The following CFAP77 variants were observed in gnomAD, a reference collection of about 807,000 sequenced individuals.
CFAP77 encodes the protein cilia and flagella associated protein 77, also known as cilia- and flagella-associated protein 77.
A neutral mutation model predicts 31.1 loss-of-function variants in CFAP77; 25 were observed. The ratio of observed to expected loss-of-function variants is 0.80; its 90% CI spans 0.59 to 1.12. The LOEUF is 1.12. Among genes scored for constraint, CFAP77 ranks in the 50% most tolerant of loss-of-function variants. The pLI is 0.00. For synonymous variants in CFAP77, 151 were observed against 159.9 expected, an observed-to-expected ratio of 0.94 and a Z score of 0.42; for missense variants, 377 against 397.3, an observed-to-expected ratio of 0.95 and a Z score of 0.44.
intron 1 of CFAP77, among the ~76,000 whole-genome samples, chr9:132,465,545 C>T (rs1368302161): frequency 1.3e-5 from 2 of 152,020 alleles, no homozygotes; most frequent in Admixed American, 6.6e-5. Context: ...CACTTGTAGC[C>T]GTTGGTATGT....
intron 5 of CFAP77, among the ~76,000 whole-genome samples, chr9:132,562,367 G>T (rs1829826948): frequency 6.6e-6 from 1 of 152,240 alleles, no homozygotes; most frequent in South Asian, 2.1e-4. Flanking sequence ...CCCAGAGGCA[G>T]AGCCTGGCGT....
chr9:132,469,127 G>A, intron 1 of CFAP77, among the ~76,000 whole-genome samples: 1 of 151,762 alleles, frequency 6.6e-6, no homozygotes, highest in East Asian at 1.9e-4. Flanking sequence ...TGGGGGTGGG[G>A]GGACCCAGCA....
chr9:132,435,905 G>A (rs1042666458), intron 1 of CFAP77, among the ~76,000 whole-genome samples: 1 of 152,172 alleles, frequency 6.6e-6, no homozygotes, highest in African/African-American at 2.4e-5. Flanking sequence ...CCTTTATGTA[G>A]ATTCTGCTAA....
rs1282649187 is a variant in CFAP77, at chr9:132,424,153, A to G, written c.195+13687A>G. Among the ~76,000 whole-genome samples the G allele has an allele frequency of 1.3e-5, 2 of 152,222 alleles. No individual in the cohort carries two copies. Among genetic ancestry groups the G allele is most frequent in the African/African-American group, 4.8e-5 (2 of 41,466 alleles). ...CCGGGTGTGGTGGCTCACGCCTGTA[A>G]TCGCAGCACTTTGGGAGGCAGAGGC... is the stretch of plus-strand genomic sequence containing the variant. On this transcript the variant is annotated intron_variant, in intron 1 of 5. Coordinates refer to ENST00000393216, the MANE Select transcript of CFAP77 (RefSeq NM_001282957.2). This position sits in a 1 kb window ranked among gnomAD's most constrained non-coding sequence, Gnocchi z 4.1.
At chr9:132,510,347 C>T (rs914294889) in intron 3 of CFAP77, among the ~76,000 whole-genome samples, 8 of 152,210 alleles carry the variant, frequency 5.3e-5, no homozygotes, top group East Asian at 3.8e-4. Flanking sequence ...AGTCCAGAGT[C>T]GGGAGTCCGG....
chr9:132,458,357 G>GGGGGGGGTGGGGT lies in CFAP77; in HGVS notation c.196-40337_196-40336insGGGGGGTGGGGTG, dbSNP rs139008147. 1.6e-3 allele frequency among the ~76,000 whole-genome samples: 190 copies of GGGGGGGGTGGGGT among 118,930 alleles called. 1 individual carries two copies. Among genetic ancestry groups the GGGGGGGGTGGGGT allele is most frequent in the Non-Finnish European group, 2.2e-3 (125 of 57,800 alleles). The allele number at this position is 118,930 out of a possible 152,430, so 78.0% of individuals were successfully genotyped here. A position where few individuals can be genotyped will look rare whatever the true frequency, so the allele number is the denominator to read the frequency against. ...GTCTCCCTGGCGGGGGAGGGGGGGGGGTGTGTATGGAAGGCTCAGCTCATC... is the reference window on the plus strand; with the variant it reads ...GTCTCCCTGGCGGGGGAGGGGGGGGGGGGGGGGTGGGGTGTGTGTATGGAAGGCTCAGCTCATC... On this transcript the variant is annotated intron_variant, in intron 1 of 5. Transcript: ENST00000393216.
At chr9:132,550,686 A>T (rs1346491130) in intron 5 of CFAP77, among the ~76,000 whole-genome samples, 5 of 148,204 alleles carry the variant, frequency 3.4e-5, no homozygotes, top group East Asian at 3.9e-4. Context: ...CTAATTTTTA[A>T]TTTTTTTTTT....
intron 3 of CFAP77, among the ~76,000 whole-genome samples, chr9:132,515,450 G>C (rs1852129387): frequency 6.6e-6 from 1 of 152,100 alleles, no homozygotes. Context: ...CTATTTTATG[G>C]TTATGTTAGT....
intron 1 of CFAP77, among the ~76,000 whole-genome samples, chr9:132,462,726 G>T (rs572739082): frequency 1.3e-5 from 2 of 152,110 alleles, no homozygotes; most frequent in Non-Finnish European, 1.5e-5. Context: ...TGAGGCAAGA[G>T]AATTGCTTGA....
rs1554747340 is a variant in CFAP77 at position 132,521,778 on chromosome 9, T to TTG, written c.525-15822_525-15821insGT. On this transcript the variant is annotated intron_variant, in intron 3 of 5. Transcript: ENST00000393216. ...ATAGACTTGCTTTTTTTTTTTTTTT[T>TTG]TTTTTTGAGATGAAGTCTCACTCTG... Among the ~76,000 whole-genome samples the TTG allele has an allele frequency of 6.1e-4, 65 of 106,148 alleles. 1 individual carries two copies. Among genetic ancestry groups the TTG allele is most frequent in the South Asian group, 3.3e-3 (9 of 2,694 alleles). The allele number at this position is 106,148 out of a possible 152,430, so 69.6% of individuals were successfully genotyped here.
At chr9:132,459,871 TGTGTGAGTGTATGTGG>T (rs1180628874) in intron 1 of CFAP77, among the ~76,000 whole-genome samples, 3 of 151,510 alleles carry the variant, frequency 2.0e-5, no homozygotes, top group Non-Finnish European at 2.9e-5. Context: ...AGTGTGTGTA[TGTGTGAGTGTATGTGG>T]GTGTGAGTGT....
At chr9:132,434,137 T>G (rs1320167034) in intron 1 of CFAP77, among the ~76,000 whole-genome samples, 1 of 151,396 alleles carries the variant, frequency 6.6e-6, no homozygotes, top group Non-Finnish European at 1.5e-5. Context: ...AGACCCTATC[T>G]CGAAAAAATA....
intron 1 of CFAP77, among the ~76,000 whole-genome samples, chr9:132,471,893 T>G (rs1190651395): frequency 6.6e-6 from 1 of 152,090 alleles, no homozygotes; most frequent in Non-Finnish European, 1.5e-5. Context: ...TTATTATTAT[T>G]TTTGTAGACA....
intron 1 of CFAP77, among the ~76,000 whole-genome samples, chr9:132,438,518 G>GTTATATATATATATAT (rs1334397510): frequency 3.6e-5 from 4 of 111,190 alleles, no homozygotes; most frequent in African/African-American, 1.5e-4. Context: ...GAACAGATAT[G>GTTATATATATATATAT]GTATATATAT....
chr9:132,521,641 G>A (rs1852265161), intron 3 of CFAP77, among the ~76,000 whole-genome samples: 1 of 152,098 alleles, frequency 6.6e-6, no homozygotes, highest in Non-Finnish European at 1.5e-5. Context: ...AAGAAGTATG[G>A]GAGGACTCTG....
intron 1 of CFAP77, among the ~76,000 whole-genome samples, chr9:132,461,680 G>A (rs78369791): frequency 6.7e-4 from 102 of 152,312 alleles, no homozygotes; most frequent in African/African-American, 1.8e-3. Context: ...TTTAGCAAAG[G>A]CAGAACTGCT....
At chr9:132,570,644 C>T (rs577178541) in intron 5 of CFAP77, among the ~76,000 whole-genome samples, 1 of 152,302 alleles carries the variant, frequency 6.6e-6, no homozygotes, top group Non-Finnish European at 1.5e-5. Flanking sequence ...AAGAGCATCC[C>T]CAAGGGGTCC....
chr9:132,552,099 G>GGAGGCT lies in CFAP77; in HGVS notation c.732+9062_732+9067dup, dbSNP rs1852831672. Reference sequence around the variant, plus strand: ...ATTCAGGCTTACTGCGTTAAAAGTGGGAGGCTGAGGCTGAGTCCAGCAGGA... The same window carrying GGAGGCT: ...ATTCAGGCTTACTGCGTTAAAAGTGGGAGGCTGAGGCTGAGGCTGAGTCCAGCAGGA... On this transcript the variant is annotated intron_variant, in intron 5 of 5. Coordinates refer to ENST00000393216, the MANE Select transcript of CFAP77 (RefSeq NM_001282957.2). This position sits in a 1 kb window ranked among gnomAD's most constrained non-coding sequence, Gnocchi z 5.5. Among the ~76,000 whole-genome samples, 1 of 152,234 alleles carries GGAGGCT rather than the reference G, an allele frequency of 6.6e-6. No homozygotes were observed.
Position 132,552,042 on chromosome 9 carries a change from A to AGG in CFAP77, c.732+8996_732+8997dup, listed in dbSNP as rs1185711231. On this transcript the variant is annotated intron_variant, in intron 5 of 5. Transcript: ENST00000393216. This position sits in a 1 kb window ranked among gnomAD's most constrained non-coding sequence, Gnocchi z 5.5. ...TCTTTTAAATTGCAGTTTGGCCCCA[A>AGG]GGCTAAAAAGGAAAGAGGCGGCTGA... Among the ~76,000 whole-genome samples, 1 of 152,234 alleles carries AGG rather than the reference A, an allele frequency of 6.6e-6. No homozygotes were observed. The highest frequency in any genetic ancestry group is 1.5e-5 in the Non-Finnish European group (1 of 68,034).
Sources: gnomAD v4.1 joint callset for allele counts (sites outside exome capture counted in the v4.1 genomes callset) on GRCh38, gnomAD v4.1.1 for gene constraint, Gnocchi (gnomAD v3.1) non-coding constraint, MANE v1.5 for transcripts, NCBI Gene and HGNC (gene_info 2026-07-23, HGNC 2026-07-21) for gene names.